Variants in TIMP2 observed in about 807,000 individuals in gnomAD.
TIMP2 encodes the protein TIMP metallopeptidase inhibitor 2, also known as metalloproteinase inhibitor 2.
In TIMP2, 5 loss-of-function variants were observed where a neutral mutation model predicts 24.3. That is an observed-to-expected ratio of 0.21 (90% CI 0.11 to 0.43). The LOEUF (loss-of-function observed/expected upper bound fraction) is 0.43, where lower values mean the gene tolerates loss of function less well. Among genes scored for constraint, TIMP2 ranks in the 20% least tolerant of loss-of-function variants. The pLI is 1.00. For synonymous variants in TIMP2, 130 were observed against 123.2 expected, an observed-to-expected ratio of 1.06 and a Z score of -0.37; for missense variants, 221 against 297.5, an observed-to-expected ratio of 0.74 and a Z score of 1.89.
chr17:78,902,942 G>A (rs1568005170), intron 1 of TIMP2, among the ~76,000 whole-genome samples: 1 of 152,204 alleles, frequency 6.6e-6, no homozygotes, highest in Non-Finnish European at 1.5e-5. Flanking sequence ...TGCCTGTGGG[G>A]AGCCCCGTGG....
intron 1 of TIMP2, among the ~76,000 whole-genome samples, chr17:78,922,675 C>T (rs1424885559): frequency 2.6e-5 from 4 of 152,034 alleles, no homozygotes; most frequent in Admixed American, 6.6e-5. Flanking sequence ...AAAAATTAGC[C>T]GGGTGTGGTG....
In TIMP2 at chr17:78,855,342, G is replaced by A. The variant is rs1184405025; in HGVS notation, c.*325C>T. 3 of 410,626 alleles carry A rather than the reference G, an allele frequency of 7.3e-6. No homozygotes were observed. Among genetic ancestry groups the A allele is most frequent in the Admixed American group, 3.7e-5 (1 of 27,120 alleles). 25.4% of individuals were successfully genotyped at this position (410,626 alleles called of 1,614,324 possible). On this transcript the variant is annotated 3_prime_UTR_variant, in exon 5 of 5. Coordinates refer to ENST00000262768, the MANE Select transcript of TIMP2 (RefSeq NM_003255.5). This position sits in a 1 kb window ranked among gnomAD's most constrained non-coding sequence, Gnocchi z 6.0. ...TAACCCAGCTGGGAGATCCCTAAGT[G>A]CTGCCTGCTTGGCATCTGTGACGGT...
chr17:78,917,668 G>A (rs1230337912), intron 1 of TIMP2, among the ~76,000 whole-genome samples: 1 of 152,146 alleles, frequency 6.6e-6, no homozygotes, highest in African/African-American at 2.4e-5. Context: ...CGTCTACCAA[G>A]GACGTCTTCC....
chr17:78,923,711 G>A (rs73999324), intron 1 of TIMP2, among the ~76,000 whole-genome samples: 2,868 of 152,238 alleles, frequency 0.019, 77 homozygotes, highest in African/African-American at 0.066. Flanking sequence ...CAAGCCTTCC[G>A]CCCAGGTGGC....
At chr17:78,908,024 A>G (rs1262956915) in intron 1 of TIMP2, among the ~76,000 whole-genome samples, 1 of 152,142 alleles carries the variant, frequency 6.6e-6, no homozygotes, top group East Asian at 1.9e-4. Context: ...GGTCCCAGCT[A>G]CTTGGGAGGC....
intron 1 of TIMP2, chr17:78,904,358 G>A (rs187732549): frequency 6.6e-6 from 1 of 152,224 alleles, no homozygotes; most frequent in Non-Finnish European, 1.5e-5. Context: ...GTCCGAAGAA[G>A]TGAAAGCAAC....
chr17:78,914,580 G>A (rs2070239454), intron 1 of TIMP2, among the ~76,000 whole-genome samples: 1 of 151,510 alleles, frequency 6.6e-6, no homozygotes. Context: ...ACTGCACCCA[G>A]CCAAGCTGTT....
chr17:78,888,841 T>C lies in TIMP2; in HGVS notation c.131-14922A>G, dbSNP rs368138037. On this transcript the variant is annotated intron_variant, in intron 1 of 4. Coordinates refer to ENST00000262768, the MANE Select transcript of TIMP2 (RefSeq NM_003255.5). ...TTGGGTCTGGGTGATGGGCTCATGGTACTTCATTATATTGTCTACAAAATA... is the reference window on the plus strand; with the variant it reads ...TTGGGTCTGGGTGATGGGCTCATGGCACTTCATTATATTGTCTACAAAATA... Among the ~76,000 whole-genome samples, 16 of 152,356 alleles carry C rather than the reference T, an allele frequency of 1.1e-4. 3 individuals are homozygous for C. Among genetic ancestry groups the C allele is most frequent in the East Asian group, 3.9e-4 (2 of 5,188 alleles).
At chr17:78,910,194 C>CTT (rs941956227) in intron 1 of TIMP2, among the ~76,000 whole-genome samples, 4 of 142,740 alleles carry the variant, frequency 2.8e-5, no homozygotes, top group African/African-American at 5.1e-5. Flanking sequence ...ATTTCTTTTT[C>CTT]TTTTTTTTTT....
chr17:78,862,419 C>T (rs901023074), intron 3 of TIMP2, among the ~76,000 whole-genome samples: 5 of 152,230 alleles, frequency 3.3e-5, no homozygotes, highest in Non-Finnish European at 5.9e-5. Context: ...AGGTTCCTCT[C>T]GCCATGAGGT....
intron 2 of TIMP2, among the ~76,000 whole-genome samples, chr17:78,873,505 C>A (rs1016628640): frequency 2.6e-5 from 4 of 152,158 alleles, no homozygotes; most frequent in Non-Finnish European, 4.4e-5. Context: ...GTTGCCCAGA[C>A]TGGTCTTGAA....
Position 78,870,913 on chromosome 17 carries a change from CCTT to C in TIMP2, c.322_324del (p.Lys108del). ...TCATACACACCTGCAATGAGATATTCCTTCTTTCCTCCAACGTCCAGCGAGACC... is the reference window on the plus strand; with the variant it reads ...TCATACACACCTGCAATGAGATATTCCTTTCCTCCAACGTCCAGCGAGACC... On this transcript the variant is annotated inframe_deletion, in exon 3 of 5. Coordinates refer to ENST00000262768, the MANE Select transcript of TIMP2 (RefSeq NM_003255.5). 6.2e-7 allele frequency: 1 copy of C among 1,613,794 alleles called. No individual in the cohort carries two copies. The highest frequency in any genetic ancestry group is 8.5e-7 in the Non-Finnish European group (1 of 1,179,854).
intron 1 of TIMP2, chr17:78,897,109 C>T (rs1015045401): frequency 1.5e-5 from 8 of 523,218 alleles, no homozygotes; most frequent in African/African-American, 2.1e-5. Context: ...CCCCGCCCCC[C>T]GCCGGCCTCC....
chr17:78,870,750 T>C (rs2069674581), intron 3 of TIMP2, 148 bp downstream of exon 3: 2 of 531,284 alleles, frequency 3.8e-6, no homozygotes, highest in Non-Finnish European at 6.6e-6. Context: ...TGACGGGAAG[T>C]GGCCGAGAGG....
chr17:78,860,702 T>C (rs1567991148), intron 3 of TIMP2, among the ~76,000 whole-genome samples: 1 of 152,164 alleles, frequency 6.6e-6, no homozygotes, highest in Non-Finnish European at 1.5e-5. Flanking sequence ...TTATTCCAAA[T>C]CCTATAACTT....
At chr17:78,919,753 T>A (rs2070294560) in intron 1 of TIMP2, among the ~76,000 whole-genome samples, 1 of 152,018 alleles carries the variant, frequency 6.6e-6, no homozygotes, top group South Asian at 2.1e-4. Context: ...GAGAATGGCG[T>A]GAACCCGGGA....
rs1446020741 is a variant in TIMP2 at position 78,896,226 on chromosome 17, A to T, written c.131-22307T>A. On this transcript the variant is annotated intron_variant, in intron 1 of 4. Transcript: ENST00000262768. The surrounding 1 kb of genome is among the most constrained non-coding windows in gnomAD (Gnocchi z 4.4). The stretch of plus-strand genomic sequence containing the variant: ...AACTTGAGGCAGAGGGCAGGGTCTC[A>T]CGTGGACTTGTGCAGGCACTGGCAG... 6.6e-6 allele frequency among the ~76,000 whole-genome samples: 1 copy of T among 152,220 alleles called. No individual in the cohort carries two copies. Among genetic ancestry groups the T allele is most frequent in the Non-Finnish European group, 1.5e-5 (1 of 68,046 alleles).
intron 1 of TIMP2, chr17:78,890,658 C>A (rs934742188): frequency 3.9e-6 from 6 of 1,550,400 alleles, no homozygotes; most frequent in Admixed American, 2.0e-5. Context: ...TTCTGAAACT[C>A]CCGCAAGCAT....
intron 3 of TIMP2, among the ~76,000 whole-genome samples, chr17:78,866,875 G>T (rs1033228928): frequency 6.6e-6 from 1 of 152,132 alleles, no homozygotes; most frequent in Admixed American, 6.6e-5. Context: ...GGCTGGGGGA[G>T]GGGGAGGGGA....
Sources: allele counts gnomAD v4.1 joint callset (sites outside exome capture counted in the v4.1 genomes callset), GRCh38; gene constraint gnomAD v4.1.1; non-coding constraint Gnocchi (gnomAD v3.1); transcripts MANE v1.5; gene names NCBI Gene and HGNC (gene_info 2026-07-23, HGNC 2026-07-21).